The following MACROD2 variants were observed in gnomAD, a reference collection of about 807,000 sequenced individuals.
MACROD2 encodes the protein mono-ADP ribosylhydrolase 2, also known as ADP-ribose glycohydrolase MACROD2.
In MACROD2, 36 loss-of-function variants were observed where a neutral mutation model predicts 70.4. The observed-to-expected ratio is 0.51, with a 90% CI of 0.39 to 0.68. The LOEUF is 0.68. Ranked by LOEUF, MACROD2 falls within the 30% of genes least tolerant of loss-of-function variation. MACROD2 has a pLI of 0.00. For missense variants in MACROD2, 496 were observed against 538.4 expected, an observed-to-expected ratio of 0.92 and a Z score of 0.78; for synonymous variants, 172 against 178.8, an observed-to-expected ratio of 0.96 and a Z score of 0.30.
chr20:15,567,101 G>T (rs1233749), intron 8 of MACROD2, among the ~76,000 whole-genome samples: 142,978 of 149,472 alleles, frequency 0.96, 68,446 homozygotes, highest in Non-Finnish European at 0.98. Flanking sequence ...CTATTGTGGG[G>T]TTTTTTTTTT....
At chr20:15,629,406 T>C (rs1466543706) in intron 8 of MACROD2, among the ~76,000 whole-genome samples, 2 of 152,224 alleles carry the variant, frequency 1.3e-5, no homozygotes, top group African/African-American at 4.8e-5. Context: ...TCCCAAGAGA[T>C]TATGAAAGAC....
chr20:16,035,125 AATATTATATATTAT>A (rs1223063444), intron 15 of MACROD2, among the ~76,000 whole-genome samples: 1 of 19,532 alleles, frequency 5.1e-5, no homozygotes, highest in Non-Finnish European at 1.7e-4. Flanking sequence ...TATAATATAA[AATATTATATATTAT>A]ATATTATATA....
chr20:15,338,833 T>G (rs1370131269), intron 6 of MACROD2, among the ~76,000 whole-genome samples: 1 of 151,074 alleles, frequency 6.6e-6, no homozygotes, highest in Non-Finnish European at 1.5e-5. Flanking sequence ...TTTCAAACCT[T>G]GACTGGAAAC....
rs555247966 is a variant in MACROD2 at position 15,270,759 on chromosome 20, G to A, written c.540+40698G>A. Among the ~76,000 whole-genome samples the A allele has an allele frequency of 1.2e-4, 18 of 152,156 alleles. No homozygotes were observed. The South Asian group carries it at 1.5e-3, about 12-fold the overall frequency. ...TACTAGAAATACCAGAATATTTATA[G>A]TACCCCAAACACACTATGCAATCTT... On this transcript the variant is annotated intron_variant, in intron 6 of 17. Coordinates refer to ENST00000684519, the MANE Select transcript of MACROD2 (RefSeq NM_001351661.2).
chr20:14,171,717 T>G (rs901598030), intron 3 of MACROD2, among the ~76,000 whole-genome samples: 5 of 152,214 alleles, frequency 3.3e-5, no homozygotes, highest in African/African-American at 1.2e-4. Context: ...TTGATATAAT[T>G]TCAATTTTCT....
chr20:14,004,081 T>G (rs2052776952), intron 2 of MACROD2, among the ~76,000 whole-genome samples: 1 of 152,256 alleles, frequency 6.6e-6, no homozygotes, highest in South Asian at 2.1e-4. Flanking sequence ...TGGATTATAC[T>G]TGCTGGTTCA....
intron 9 of MACROD2, among the ~76,000 whole-genome samples, chr20:15,884,696 A>G (rs545405008): frequency 1.5e-3 from 233 of 152,204 alleles, no homozygotes; most frequent in Non-Finnish European, 2.8e-3. Context: ...AGAGAGGACC[A>G]AACATAGAAA....
intron 5 of MACROD2, among the ~76,000 whole-genome samples, chr20:15,200,932 G>A (rs1293863361): frequency 6.6e-6 from 1 of 152,046 alleles, no homozygotes; most frequent in Non-Finnish European, 1.5e-5. Context: ...TTATCAACTG[G>A]GAGTACATAA....
chr20:14,601,422 TTC>T (rs1348823294), intron 4 of MACROD2, among the ~76,000 whole-genome samples: 1 of 152,086 alleles, frequency 6.6e-6, no homozygotes, highest in Non-Finnish European at 1.5e-5. Flanking sequence ...GCCATTCACC[TTC>T]TGCTGTGGGG....
chr20:15,825,206 A>T (rs1320912899), intron 8 of MACROD2, among the ~76,000 whole-genome samples: 1 of 152,210 alleles, frequency 6.6e-6, no homozygotes, highest in African/African-American at 2.4e-5. Flanking sequence ...TTTCTCTTAA[A>T]TCTGGGCAGC....
chr20:15,581,762 G>A (rs2048527424), intron 8 of MACROD2, among the ~76,000 whole-genome samples: 1 of 152,210 alleles, frequency 6.6e-6, no homozygotes, highest in Non-Finnish European at 1.5e-5. Context: ...TGTGCTGGCT[G>A]TTGCCAGCTC....
intron 5 of MACROD2, among the ~76,000 whole-genome samples, chr20:14,747,095 A>G (rs2071809190): frequency 1.3e-5 from 2 of 152,190 alleles, no homozygotes; most frequent in Non-Finnish European, 2.9e-5. Flanking sequence ...CAACAAAACC[A>G]ACATGAATAG....
chr20:14,417,162 TTTATC>T (rs776781955), intron 3 of MACROD2, among the ~76,000 whole-genome samples: 1 of 152,326 alleles, frequency 6.6e-6, no homozygotes. Flanking sequence ...CTTGTTTTAT[TTTATC>T]TTCTTATTCT....
At chr20:15,623,227 A>T (rs6110695) in intron 8 of MACROD2, among the ~76,000 whole-genome samples, 3,983 of 152,262 alleles carry the variant, frequency 0.026, 172 homozygotes, top group African/African-American at 0.091. Context: ...CTAGAGTTCA[A>T]TCTAATGTAA....
At chr20:14,938,838 G>A (rs181676574) in intron 5 of MACROD2, among the ~76,000 whole-genome samples, 4 of 151,862 alleles carry the variant, frequency 2.6e-5, no homozygotes, top group Non-Finnish European at 4.4e-5. Context: ...ATTTCTTCTG[G>A]AAAATATTCT....
rs115029030 is a variant in MACROD2, at chr20:14,179,160, G to A, written c.271+93432G>A. On this transcript the variant is annotated intron_variant, in intron 3 of 17. Coordinates refer to ENST00000684519, the MANE Select transcript of MACROD2 (RefSeq NM_001351661.2). Reference sequence around the variant, plus strand: ...TGTCTCATGATGTAGCCTGACTGTAGAAGAGGGAAGAGCCAAATGACTCAC... The same window carrying A: ...TGTCTCATGATGTAGCCTGACTGTAAAAGAGGGAAGAGCCAAATGACTCAC... Among the ~76,000 whole-genome samples the A allele has an allele frequency of 4.6e-3, 704 of 152,272 alleles. 6 individuals are homozygous for A. The highest frequency in any genetic ancestry group is 0.037 in the Middle Eastern group (11 of 294).
At position 16,013,441 on chromosome 20, in the gene MACROD2, T is replaced by TA. The variant is rs200940781; in HGVS notation, c.1153+26291dup. ...CTGTACTTTACCTTGTACCTGTATC[T>TA]AAAAAAAATAACAAATTAAAAAATA... On this transcript the variant is annotated intron_variant, in intron 15 of 17. Transcript: ENST00000684519. Among the ~76,000 whole-genome samples, 901 of 152,042 alleles carry TA rather than the reference T, an allele frequency of 5.9e-3. 11 individuals carry two copies. The highest frequency in any genetic ancestry group is 0.021 in the African/African-American group (869 of 41,474).
At chr20:14,046,050 A>G (rs1001449696) in intron 2 of MACROD2, among the ~76,000 whole-genome samples, 1 of 152,226 alleles carries the variant, frequency 6.6e-6, no homozygotes, top group Non-Finnish European at 1.5e-5. Context: ...GGATAATGAA[A>G]AGACTCACAG....
At chr20:14,395,528 T>C (rs2083572012) in intron 3 of MACROD2, among the ~76,000 whole-genome samples, 1 of 152,138 alleles carries the variant, frequency 6.6e-6, no homozygotes, top group African/African-American at 2.4e-5. Context: ...ATTGATCTTC[T>C]CAAACAGCAG....
Sources: gnomAD v4.1 joint callset for allele counts (sites outside exome capture counted in the v4.1 genomes callset) on GRCh38, gnomAD v4.1.1 for gene constraint, MANE v1.5 for transcripts, NCBI Gene and HGNC (gene_info 2026-07-23, HGNC 2026-07-21) for gene names.